SEMA6A: variants seen among roughly 807,000 people sequenced by gnomAD.
SEMA6A encodes semaphorin-6A.
Under a neutral mutation model 96.8 loss-of-function variants are expected in SEMA6A, and 25 were observed. That is an observed-to-expected ratio of 0.26 (90% CI 0.19 to 0.36). SEMA6A has a LOEUF of 0.36. SEMA6A is among the 10% of genes least tolerant of loss of function. The pLI is 1.00. For synonymous variants in SEMA6A, 612 were observed against 518.0 expected, an observed-to-expected ratio of 1.18 and a Z score of -2.46; for missense variants, 1,363 against 1,323.1, an observed-to-expected ratio of 1.03 and a Z score of -0.47.
chr5:116,549,101 C>T (rs564748199), intron 1 of SEMA6A, among the ~76,000 whole-genome samples: 1 of 152,172 alleles, frequency 6.6e-6, no homozygotes, highest in Admixed American at 6.5e-5. Context: ...TAAATCATCT[C>T]TTAAAACCTA....
intron 1 of SEMA6A, among the ~76,000 whole-genome samples, chr5:116,535,361 A>C (rs996049827): frequency 6.6e-6 from 1 of 152,244 alleles, no homozygotes; most frequent in African/African-American, 2.4e-5. Flanking sequence ...GGTTAGGGGA[A>C]GAGGACAGAA....
intron 7 of SEMA6A, 32 bp from the exon 8 acceptor site, chr5:116,489,039 TG>T: frequency 6.5e-7 from 1 of 1,544,570 alleles, no homozygotes. Context: ...GTGAACAGGG[TG>T]GGAGCAAGTC....
chr5:116,510,998 T>C (rs2112790932), intron 1 of SEMA6A, among the ~76,000 whole-genome samples: 1 of 152,308 alleles, frequency 6.6e-6, no homozygotes, highest in South Asian at 2.1e-4. Context: ...ATTATCTGTG[T>C]TGTAAACACA....
chr5:116,539,590 C>CGTGCGT (rs1554092075), intron 1 of SEMA6A, among the ~76,000 whole-genome samples: 1 of 144,852 alleles, frequency 6.9e-6, no homozygotes, highest in Non-Finnish European at 1.5e-5. Flanking sequence ...TAATTCTGTG[C>CGTGCGT]GTGTGTGTGT....
At chr5:116,472,043 A>T (rs1756176382) in intron 17 of SEMA6A, among the ~76,000 whole-genome samples, 1 of 152,120 alleles carries the variant, frequency 6.6e-6, no homozygotes, top group African/African-American at 2.4e-5. Flanking sequence ...TATACATGAA[A>T]CTCACAGCTT....
At chr5:116,506,236 C>T (rs1375069961) in intron 1 of SEMA6A, among the ~76,000 whole-genome samples, 1 of 152,178 alleles carries the variant, frequency 6.6e-6, no homozygotes, top group Non-Finnish European at 1.5e-5. Flanking sequence ...AAGTGTTGCA[C>T]TGTAACTTAT....
chr5:116,479,725 C>T (rs1756653825), intron 12 of SEMA6A, among the ~76,000 whole-genome samples: 1 of 152,222 alleles, frequency 6.6e-6, no homozygotes, highest in South Asian at 2.1e-4. Flanking sequence ...TGTGTGACAG[C>T]AAACAATCCA....
In SEMA6A at chr5:116,447,638, CCTT is replaced by C; in HGVS notation, c.2065_2067del (p.Lys689del). 6.2e-7 allele frequency: 1 copy of C among 1,614,024 alleles called. No homozygotes were observed. Among genetic ancestry groups the C allele is most frequent in the South Asian group, 1.1e-5 (1 of 91,082 alleles). On this transcript the variant is annotated inframe_deletion, in exon 19 of 19. Transcript: ENST00000343348. ...GAGCCCCGGCGCGAGTGGGTGAGCT[CCTT>C]CTCCTTGCGCTGCACCACAGCCACG...
chr5:116,519,399 A>T (rs1758822686), intron 1 of SEMA6A, among the ~76,000 whole-genome samples: 1 of 152,208 alleles, frequency 6.6e-6, no homozygotes, highest in African/African-American at 2.4e-5. Context: ...AAAATATCGT[A>T]CAAGTGTGTA....
At chr5:116,542,544 C>T (rs141723514) in intron 1 of SEMA6A, among the ~76,000 whole-genome samples, 1 of 152,258 alleles carries the variant, frequency 6.6e-6, no homozygotes, top group African/African-American at 2.4e-5. Flanking sequence ...AATTTAAAAG[C>T]ACCATGGGCC....
At chr5:116,549,102 T>C (rs1760301138) in intron 1 of SEMA6A, among the ~76,000 whole-genome samples, 1 of 152,220 alleles carries the variant, frequency 6.6e-6, no homozygotes, top group Middle Eastern at 3.2e-3. Flanking sequence ...AAATCATCTC[T>C]TAAAACCTAG....
chr5:116,539,001 G>A (rs1239984122), intron 1 of SEMA6A, among the ~76,000 whole-genome samples: 1 of 152,076 alleles, frequency 6.6e-6, no homozygotes, highest in Non-Finnish European at 1.5e-5. Context: ...GTAATTCATA[G>A]CAACTAAGAA....
At chr5:116,449,876 C>T (rs190007993) in intron 18 of SEMA6A, 2 of 152,534 alleles carry the variant, frequency 1.3e-5, no homozygotes, top group East Asian at 3.9e-4. Context: ...GATTTATCTC[C>T]ATCAGCTTTT....
At chr5:116,472,839 A>T in intron 17 of SEMA6A, 2 of 1,370,936 alleles carry the variant, frequency 1.5e-6, no homozygotes, top group South Asian at 1.4e-5. Context: ...CTGCTGGATG[A>T]ATGACTTCAC....
chr5:116,532,514 C>T (rs532111203), intron 1 of SEMA6A, among the ~76,000 whole-genome samples: 2 of 152,200 alleles, frequency 1.3e-5, no homozygotes, highest in East Asian at 3.9e-4. Flanking sequence ...GAGAGGGTAG[C>T]CTGTAACCTG....
chr5:116,562,485 T>A lies in SEMA6A; in HGVS notation c.-39+11700A>T, dbSNP rs192519469. The stretch of plus-strand genomic sequence containing the variant: ...TTTTTGATATTTGTTCTAAAACTCA[T>A]GACACAGGAAAAAGTACTTTTAATC... On this transcript the variant is annotated intron_variant, in intron 1 of 18. Coordinates refer to ENST00000343348, the MANE Select transcript of SEMA6A (RefSeq NM_020796.5). 13 of 441,444 alleles carry A rather than the reference T, an allele frequency of 2.9e-5. No individual in the cohort carries two copies. The East Asian group carries it at 6.2e-4, about 21-fold the overall frequency. 27.3% of individuals were successfully genotyped at this position (441,444 alleles called of 1,614,324 possible).
intron 1 of SEMA6A, among the ~76,000 whole-genome samples, chr5:116,548,330 A>G (rs1380023214): frequency 1.3e-5 from 2 of 152,190 alleles, no homozygotes; most frequent in Non-Finnish European, 2.9e-5. Flanking sequence ...TTCAGTGAAC[A>G]TCACATTTCT....
At chr5:116,508,380 T>G (rs1758245881) in intron 1 of SEMA6A, 1 of 152,192 alleles carries the variant, frequency 6.6e-6, no homozygotes, top group Non-Finnish European at 1.5e-5. Context: ...CTGGAAATGA[T>G]TACAAAGTCA....
intron 15 of SEMA6A, among the ~76,000 whole-genome samples, chr5:116,475,945 A>G (rs1756422449): frequency 6.6e-6 from 1 of 152,220 alleles, no homozygotes; most frequent in African/African-American, 2.4e-5. Flanking sequence ...CATAGAAACA[A>G]TATGGAAGTC....
Sources: gnomAD v4.1 joint callset for allele counts (sites outside exome capture counted in the v4.1 genomes callset) on GRCh38, gnomAD v4.1.1 for gene constraint, MANE v1.5 for transcripts, NCBI Gene and HGNC (gene_info 2026-07-23, HGNC 2026-07-21) for gene names.